WASL: variants seen among roughly 807,000 people sequenced by gnomAD.
The protein encoded by WASL is WASP like actin nucleation promoting factor.
A neutral mutation model predicts 55.5 loss-of-function variants in WASL; 20 were observed. That is an observed-to-expected ratio of 0.36 (90% CI 0.25 to 0.52). WASL has a LOEUF of 0.52. Ranked by LOEUF, WASL falls within the 20% of genes least tolerant of loss-of-function variation. The probability of loss-of-function intolerance (pLI) is 0.92; values close to 1 mark genes in which losing one functional copy is unlikely to be tolerated. For synonymous variants in WASL, 249 were observed against 217.6 expected, an observed-to-expected ratio of 1.14 and a Z score of -1.27; for missense variants, 504 against 622.5, an observed-to-expected ratio of 0.81 and a Z score of 2.03.
At chr7:123,723,902 C>A (rs778648722) in intron 1 of WASL, among the ~76,000 whole-genome samples, 1 of 152,166 alleles carries the variant, frequency 6.6e-6, no homozygotes, top group Non-Finnish European at 1.5e-5. Flanking sequence ...GCTTAGCTAA[C>A]AATACACTTC....
At chr7:123,707,571 T>C (rs1439042909) in intron 2 of WASL, among the ~76,000 whole-genome samples, 1 of 152,198 alleles carries the variant, frequency 6.6e-6, no homozygotes, top group Non-Finnish European at 1.5e-5. Context: ...AAGATAGTCA[T>C]TGCCCTATTC....
At chr7:123,725,369 T>C (rs1804024807) in intron 1 of WASL, among the ~76,000 whole-genome samples, 1 of 151,748 alleles carries the variant, frequency 6.6e-6, no homozygotes, top group Non-Finnish European at 1.5e-5. Context: ...TAATAATCTG[T>C]TTTTTTTAAA....
intron 2 of WASL, 127 bp from the exon 3 acceptor site, chr7:123,706,953 A>G (rs920855894): frequency 4.2e-6 from 2 of 474,722 alleles, no homozygotes; most frequent in Non-Finnish European, 7.3e-6. Flanking sequence ...CACATGTAAC[A>G]TATTTATAAT....
intron 7 of WASL, 40 bp from the exon 8 acceptor site, chr7:123,694,908 C>G: frequency 6.4e-7 from 1 of 1,563,246 alleles, no homozygotes; most frequent in Non-Finnish European, 8.6e-7. Flanking sequence ...AAATATATCC[C>G]AATTTAAAAA....
intron 1 of WASL, among the ~76,000 whole-genome samples, chr7:123,730,304 T>G (rs1158958488): frequency 2.6e-5 from 4 of 152,184 alleles, no homozygotes; most frequent in Non-Finnish European, 5.9e-5. Context: ...TGAATAATTT[T>G]TTTCTTTTTA....
At chr7:123,747,976 T>C (rs1022058378) in intron 1 of WASL, among the ~76,000 whole-genome samples, 2 of 151,004 alleles carry the variant, frequency 1.3e-5, no homozygotes, top group Non-Finnish European at 3.0e-5. Context: ...CTCCCACCAA[T>C]GGGGGGAAAA....
intron 1 of WASL, among the ~76,000 whole-genome samples, chr7:123,712,260 C>G (rs976863372): frequency 2.0e-5 from 3 of 151,980 alleles, no homozygotes; most frequent in Admixed American, 1.3e-4. Context: ...GTATTGATTT[C>G]CTAACCACTA....
chr7:123,716,075 C>T (rs762648238), intron 1 of WASL, among the ~76,000 whole-genome samples: 12 of 152,170 alleles, frequency 7.9e-5, no homozygotes, highest in Non-Finnish European at 1.3e-4. Context: ...TTTCCTCTCT[C>T]TTCTGTCTCC....
At chr7:123,720,400 T>G (rs924591251) in intron 1 of WASL, 19 of 431,886 alleles carry the variant, frequency 4.4e-5, no homozygotes, top group Admixed American at 1.4e-4. Context: ...CAAGATACAC[T>G]GTTATCTGAA....
Position 123,689,033 on chromosome 7 carries a change from TCTCTCTAC to T in WASL, c.1456+1_1456+8del. ...CTCTCTCTCTCTCTCTCTCTCTCTC[TCTCTCTAC>T]CTGAAGAATGAATGGCTTTGCTCCT... On this transcript the variant is annotated splice_donor_variant and splice_donor_5th_base_variant and intron_variant, in intron 10 of 10. Coordinates refer to ENST00000223023, the MANE Select transcript of WASL (RefSeq NM_003941.4). LOFTEE classifies it high-confidence loss of function. 6.2e-7 allele frequency: 1 copy of T among 1,600,208 alleles called. No homozygotes were observed. Among genetic ancestry groups the T allele is most frequent in the Non-Finnish European group, 8.5e-7 (1 of 1,169,602 alleles).
At chr7:123,739,487 C>T (rs905536521) in intron 1 of WASL, among the ~76,000 whole-genome samples, 18 of 152,166 alleles carry the variant, frequency 1.2e-4, no homozygotes, top group African/African-American at 4.1e-4. Flanking sequence ...TTTGAGTACC[C>T]ATGCAACCAT....
intron 1 of WASL, 29 bp downstream of exon 1, chr7:123,748,589 G>T (rs1329510171): frequency 1.2e-6 from 2 of 1,608,634 alleles, no homozygotes; most frequent in East Asian, 2.2e-5. Flanking sequence ...GTAATGTCAC[G>T]GGTGGCGACG....
chr7:123,692,261 A>C (rs1053039156), intron 9 of WASL, 86 bp downstream of exon 9: 1 of 1,485,158 alleles, frequency 6.7e-7, no homozygotes, highest in Non-Finnish European at 9.0e-7. Flanking sequence ...AAAAGAATAC[A>C]CTTTTCAAAA....
At chr7:123,717,049 A>G (rs552985673) in intron 1 of WASL, among the ~76,000 whole-genome samples, 2 of 152,220 alleles carry the variant, frequency 1.3e-5, no homozygotes, top group African/African-American at 4.8e-5. Context: ...ATCCTCCAAG[A>G]AGGATATATC....
chr7:123,706,416 A>C, intron 3 of WASL, 43 bp from the exon 4 acceptor site: 2 of 1,550,246 alleles, frequency 1.3e-6, no homozygotes, highest in Non-Finnish European at 1.8e-6. Context: ...AGAATGTATG[A>C]ATTTAGCTTT....
intron 1 of WASL, among the ~76,000 whole-genome samples, chr7:123,724,408 T>C (rs937230208): frequency 2.0e-5 from 3 of 152,196 alleles, no homozygotes; most frequent in Non-Finnish European, 4.4e-5. Flanking sequence ...ATGTCACACT[T>C]GATCAAGTTT....
At chr7:123,711,610 C>T (rs959220033) in intron 1 of WASL, among the ~76,000 whole-genome samples, 4 of 152,116 alleles carry the variant, frequency 2.6e-5, no homozygotes, top group Non-Finnish European at 5.9e-5. Flanking sequence ...AGAATAACTG[C>T]TATACATTTA....
intron 1 of WASL, among the ~76,000 whole-genome samples, chr7:123,714,557 G>C (rs1584865292): frequency 1.3e-5 from 2 of 152,156 alleles, no homozygotes; most frequent in East Asian, 3.8e-4. Flanking sequence ...ACCAAACACA[G>C]AGAGTCTTTT....
At chr7:123,706,488 A>G in intron 3 of WASL, 115 bp from the exon 4 acceptor site, 1 of 967,798 alleles carries the variant, frequency 1.0e-6, no homozygotes, top group Non-Finnish European at 1.5e-6. Context: ...TAATTTTACT[A>G]GCAGATAAGA....
Sources: allele counts gnomAD v4.1 joint callset (sites outside exome capture counted in the v4.1 genomes callset), GRCh38; gene constraint gnomAD v4.1.1; transcripts MANE v1.5; gene names NCBI Gene and HGNC (gene_info 2026-07-23, HGNC 2026-07-21).